Variants in FRMD3 observed in about 807,000 individuals in gnomAD.
FRMD3 encodes FERM domain containing 3, also known as FERM domain-containing protein 3.
A neutral mutation model predicts 70.2 loss-of-function variants in FRMD3; 33 were observed. That is an observed-to-expected ratio of 0.47 (90% CI 0.36 to 0.63). The LOEUF (loss-of-function observed/expected upper bound fraction) is 0.63. Among genes scored for constraint, FRMD3 ranks in the 20% least tolerant of loss-of-function variants. The pLI, the probability that FRMD3 is intolerant of heterozygous loss-of-function variation, is 0.00. For missense variants in FRMD3, 632 were observed against 711.4 expected (o/e 0.89, Z 1.27); for synonymous variants, 279 against 255.9 (o/e 1.09, Z -0.86).
At chr9:83,348,982 T>C (rs1824053788) in intron 4 of FRMD3, among the ~76,000 whole-genome samples, 1 of 152,204 alleles carries the variant, frequency 6.6e-6, no homozygotes, top group South Asian at 2.1e-4. Context: ...CAGCTTATTT[T>C]GAGAGATGAT....
chr9:83,459,221 A>G (rs2131433651), intron 1 of FRMD3, among the ~76,000 whole-genome samples: 1 of 152,306 alleles, frequency 6.6e-6, no homozygotes, highest in Non-Finnish European at 1.5e-5. Flanking sequence ...TGTGGCTGTT[A>G]ACTCCACTGA....
upstream of FRMD3, among the ~76,000 whole-genome samples, chr9:83,542,831 CAA>C (rs148179689): frequency 4.1e-3 from 623 of 152,220 alleles, 3 homozygotes; most frequent in Non-Finnish European, 6.7e-3. Flanking sequence ...GACAAAGAAG[CAA>C]AGTCAGTCCA....
At chr9:83,490,792 T>TCACACA (rs1316287299) in intron 1 of FRMD3, among the ~76,000 whole-genome samples, 1 of 119,330 alleles carries the variant, frequency 8.4e-6, no homozygotes, top group African/African-American at 3.8e-5. Flanking sequence ...TCTCTCTCTC[T>TCACACA]CTCTCTCACA....
intron 1 of FRMD3, among the ~76,000 whole-genome samples, chr9:83,505,049 T>A (rs1829151793): frequency 6.6e-6 from 1 of 152,066 alleles, no homozygotes; most frequent in African/African-American, 2.4e-5. Flanking sequence ...GCAAAAAAAA[T>A]GTTCATGCAT....
At chr9:83,527,476 C>T (rs570216138) in intron 1 of FRMD3, among the ~76,000 whole-genome samples, 2 of 152,024 alleles carry the variant, frequency 1.3e-5, no homozygotes, top group African/African-American at 4.8e-5. Context: ...GAGGCACAAT[C>T]GAGGGAGGAA....
At chr9:83,424,054 A>C (rs905899788) in intron 1 of FRMD3, among the ~76,000 whole-genome samples, 3 of 152,168 alleles carry the variant, frequency 2.0e-5, no homozygotes, top group Non-Finnish European at 2.9e-5. Context: ...AAATCACTTG[A>C]AGATCTTATT....
intron 1 of FRMD3, among the ~76,000 whole-genome samples, chr9:83,446,222 G>C (rs1827457018): frequency 6.6e-6 from 1 of 152,164 alleles, no homozygotes; most frequent in South Asian, 2.1e-4. Flanking sequence ...CGAGCTTGCC[G>C]GGAGATGAAG....
intron 9 of FRMD3, 46 bp from the exon 10 acceptor site, chr9:83,309,670 T>C: frequency 7.8e-7 from 1 of 1,279,014 alleles, no homozygotes; most frequent in Non-Finnish European, 1.1e-6. Flanking sequence ...AAAATACCAT[T>C]TACATTTTCC....
chr9:83,559,928 T>A, the FRMD3 span, among the ~76,000 whole-genome samples: 1 of 152,080 alleles, frequency 6.6e-6, no homozygotes, highest in Non-Finnish European at 1.5e-5. Context: ...CTTATTATAA[T>A]CTTATTATAA....
chr9:83,269,199 TG>T (rs1448540215), intron 13 of FRMD3, among the ~76,000 whole-genome samples: 7 of 152,358 alleles, frequency 4.6e-5, no homozygotes, highest in African/African-American at 1.7e-4. Context: ...AATCTCCCTT[TG>T]GCCTGTCTGA....
chr9:83,393,270 GAA>G (rs1289762178), intron 1 of FRMD3, among the ~76,000 whole-genome samples: 1 of 152,190 alleles, frequency 6.6e-6, no homozygotes, highest in Non-Finnish European at 1.5e-5. Context: ...AAAATAATGT[GAA>G]GACAATTGCA....
At chr9:83,379,992 T>C (rs1053221736) in intron 2 of FRMD3, among the ~76,000 whole-genome samples, 4 of 152,188 alleles carry the variant, frequency 2.6e-5, no homozygotes, top group Non-Finnish European at 4.4e-5. Flanking sequence ...CTACAAGTCT[T>C]TTCCTGGAAA....
the FRMD3 span, among the ~76,000 whole-genome samples, chr9:83,552,483 C>T: frequency 8.5e-5 from 13 of 152,214 alleles, no homozygotes; most frequent in South Asian, 2.7e-3. Context: ...AAAGGTCTAT[C>T]AGATCCATTT....
chr9:83,292,133 T>G (rs1834443692), intron 12 of FRMD3, among the ~76,000 whole-genome samples: 1 of 151,648 alleles, frequency 6.6e-6, no homozygotes, highest in South Asian at 2.1e-4. Context: ...TTTTAAGCTT[T>G]CTGGTCTGAG....
the FRMD3 span, among the ~76,000 whole-genome samples, chr9:83,557,331 G>A: frequency 0.96 from 145,474 of 152,310 alleles, 69,630 homozygotes; most frequent in African/African-American, 0.98. Flanking sequence ...AAAATAAGAA[G>A]TAAACTTCTT....
intron 13 of FRMD3, among the ~76,000 whole-genome samples, chr9:83,251,437 GA>G (rs202185933): frequency 6.6e-6 from 1 of 152,128 alleles, no homozygotes; most frequent in Admixed American, 6.6e-5. Flanking sequence ...ACTGAAAACT[GA>G]AAAAACCATA....
intron 13 of FRMD3, among the ~76,000 whole-genome samples, chr9:83,253,519 C>T (rs979209392): frequency 6.6e-6 from 1 of 152,158 alleles, no homozygotes; most frequent in Non-Finnish European, 1.5e-5. Context: ...AAAAAATGCT[C>T]ATCGTCACTG....
At chr9:83,478,863 G>C (rs751713956) in intron 1 of FRMD3, among the ~76,000 whole-genome samples, 1 of 152,060 alleles carries the variant, frequency 6.6e-6, no homozygotes, top group Admixed American at 6.6e-5. Flanking sequence ...CAGTTTCCCA[G>C]AGTTCCTTGG....
At chr9:83,423,985 A>C (rs558837067) in intron 1 of FRMD3, among the ~76,000 whole-genome samples, 3 of 152,172 alleles carry the variant, frequency 2.0e-5, no homozygotes, top group African/African-American at 7.2e-5. Flanking sequence ...ATCATCACAG[A>C]AAGTTCTATC....
Sources: gnomAD v4.1 joint callset for allele counts (sites outside exome capture counted in the v4.1 genomes callset) on GRCh38, gnomAD v4.1.1 for gene constraint, MANE v1.5 for transcripts, NCBI Gene and HGNC (gene_info 2026-07-23, HGNC 2026-07-21) for gene names.